RIBC1: variants seen among roughly 807,000 people sequenced by gnomAD.
The protein encoded by RIBC1 is RIB43A domain with coiled-coils 1.
Under a neutral mutation model 33.7 loss-of-function variants are expected in RIBC1, and 12 were observed. The observed-to-expected ratio is 0.36, with a 90% CI of 0.23 to 0.58. The LOEUF (loss-of-function observed/expected upper bound fraction) is 0.58. Ranked by LOEUF, RIBC1 falls within the 20% of genes least tolerant of loss-of-function variation. RIBC1 has a pLI of 0.81. For missense variants in RIBC1, 242 were observed against 311.6 expected (o/e 0.78, Z 1.68); for synonymous variants, 89 against 109.0 (o/e 0.82, Z 1.14).
chrX:53,428,197 G>A, intron 4 of RIBC1, 86 bp from the exon 5 acceptor site: 1 of 1,201,963 alleles, frequency 8.3e-7, no homozygotes, highest in South Asian at 1.8e-5. Flanking sequence ...GGGACAAATT[G>A]GATGGACCTT....
chrX:53,430,812 T>C, intron 7 of RIBC1, 22 bp downstream of exon 7: 1 of 1,205,023 alleles, frequency 8.3e-7, no homozygotes. Flanking sequence ...GTGGTAGTGG[T>C]GGAGATAAAT....
chrX:53,425,380 T>A (rs2075785165), intron 2 of RIBC1, among the ~76,000 whole-genome samples: 1 of 110,604 alleles, frequency 9.0e-6, no homozygotes, highest in South Asian at 3.8e-4. Context: ...ATGATCAGAT[T>A]TATGTTTGCT....
In RIBC1 at chrX:53,428,049, G is replaced by A. The variant is rs782499698; in HGVS notation, c.164G>A (p.Arg55Gln). ...AACCAGGTGGGAGACCGAAAGCGTCGGGAAGCAGCAGAAAGAAGCAAGGAG... is the reference window on the plus strand; with the variant it reads ...AACCAGGTGGGAGACCGAAAGCGTCAGGAAGCAGCAGAAAGAAGCAAGGAG... ...LNNQVGDRKR[R>Q]EAAERSKEAA... The change falls in exon 4 of 8, where the codon CGG (arginine) becomes CAG (glutamine). Residue 55 changes from arginine to glutamine, a missense_variant. Coordinates refer to ENST00000375327, the MANE Select transcript of RIBC1 (RefSeq NM_001031745.5). The A allele has an allele frequency of 5.0e-5, 61 of 1,210,217 alleles. No homozygotes were observed. Among genetic ancestry groups the A allele is most frequent in the Non-Finnish European group, 6.0e-5 (54 of 895,156 alleles).
intron 5 of RIBC1, chrX:53,429,039 G>T: frequency 5.7e-6 from 1 of 175,106 alleles, no homozygotes; most frequent in Non-Finnish European, 1.0e-5. Flanking sequence ...AGCCCTTCAA[G>T]GGCAAGGACC....
Position 53,428,290 on chromosome X carries a change from C to T in RIBC1, c.207C>T (p.Ser69=). 1.7e-6 allele frequency: 2 copies of T among 1,209,639 alleles called. No individual in the cohort carries two copies. Among genetic ancestry groups the T allele is most frequent in the Non-Finnish European group, 2.2e-6 (2 of 893,962 alleles). Residue 69 remains serine (S), a synonymous_variant, in exon 5 of 8, where the codon AGC becomes AGT. Coordinates refer to ENST00000375327, the MANE Select transcript of RIBC1 (RefSeq NM_001031745.5). ...CTTGCTCACCACCCCCAGGTACCAG[C>T]CAGGTGCAGTATGATGTGGTAGTCC... ...ERSKEAAYGT[S]QVQYDVVVQM...
chrX:53,429,004 C>A, intron 5 of RIBC1: 1 of 239,074 alleles, frequency 4.2e-6, no homozygotes, highest in South Asian at 1.6e-4. Flanking sequence ...TGTCTGTGGC[C>A]ACATCCTTCT....
At chrX:53,426,157 A>C in intron 2 of RIBC1, 120 bp from the exon 3 acceptor site, 1 of 494,877 alleles carries the variant, frequency 2.0e-6, no homozygotes, top group Non-Finnish European at 3.6e-6. Context: ...TATATCAGGA[A>C]GTAAAATCAG....
chrX:53,428,433 G>A lies in RIBC1; in HGVS notation c.350G>A (p.Gly117Asp). Residue 117 changes from glycine to aspartate, a missense_variant, in exon 5 of 8, where the codon GGC becomes GAC. Gly to Asp is a moderately conservative substitution (Grantham distance 94). Transcript: ENST00000375327. ...CGTGAATTTAGTCTTTGGGATCCAG[G>A]CCAAGTCTGGAAGGGGCTTCCAACC... ...NGREFSLWDP[G>D]QVWKGLPTYL... is the part of the protein sequence containing the mutation. The A allele has an allele frequency of 8.3e-7, 1 of 1,210,343 alleles. No individual in the cohort carries two copies. The highest frequency in any genetic ancestry group is 1.1e-6 in the Non-Finnish European group (1 of 894,500).
intron 3 of RIBC1, among the ~76,000 whole-genome samples, chrX:53,427,335 G>A (rs189420997): frequency 8.9e-6 from 1 of 112,131 alleles, no homozygotes; most frequent in African/African-American, 3.2e-5. Context: ...AAGGAAGTCA[G>A]GTGAGTGTTA....
rs2075803470 is a variant in RIBC1, at chrX:53,428,370, A to G, written c.287A>G (p.Gln96Arg). The G allele has an allele frequency of 8.3e-7, 1 of 1,210,251 alleles. No individual in the cohort carries two copies. Among genetic ancestry groups the G allele is most frequent in the South Asian group, 1.8e-5 (1 of 56,825 alleles). Reference sequence around the variant, plus strand: ...ACACGTCAGCTGGCCAAGAAAGTCCAGGAGTTTCGGGAGCAGAAGCAGCAG... The same window carrying G: ...ACACGTCAGCTGGCCAAGAAAGTCCGGGAGTTTCGGGAGCAGAAGCAGCAG... ...DRTRQLAKKV[Q>R]EFREQKQQLK... The change falls in exon 5 of 8, where the codon CAG (glutamine) becomes CGG (arginine). Residue 96 changes from glutamine to arginine, a missense_variant. Transcript: ENST00000375327.
rs781784358 is a variant in RIBC1 at position 53,428,408 on chromosome X, C to T, written c.325C>T (p.Arg109Cys). Residue 109 changes from arginine to cysteine, a missense_variant, in exon 5 of 8, where the codon CGT becomes TGT. Physicochemically the swap from Arg to Cys is radical, Grantham distance 180. Transcript: ENST00000375327. ...GCAGAAGCAGCAGCTCAAGAACGGG[C>T]GTGAATTTAGTCTTTGGGATCCAGG... is the stretch of plus-strand genomic sequence containing the variant. Reference protein sequence around the residue: ...REQKQQLKNGREFSLWDPGQV... With the variant: ...REQKQQLKNGCEFSLWDPGQV... 1.8e-5 allele frequency: 22 copies of T among 1,208,990 alleles called. No homozygotes were observed. The highest frequency in any genetic ancestry group is 1.8e-4 in the Admixed American group (8 of 45,682).
Position 53,430,740 on chromosome X carries a change from AAGG to A in RIBC1, c.1009_1011del (p.Arg337del). The A allele has an allele frequency of 8.3e-7, 1 of 1,205,215 alleles. No individual in the cohort carries two copies. Among genetic ancestry groups the A allele is most frequent in the Non-Finnish European group, 1.1e-6 (1 of 891,868 alleles). ...AGAGGGAATTGTGTGCTGTATTTCA[AAGG>A]GGTCTAGGATCCTTCAACCAGCAGC... On this transcript the variant is annotated inframe_deletion, in exon 7 of 8. Coordinates refer to ENST00000375327, the MANE Select transcript of RIBC1 (RefSeq NM_001031745.5).
chrX:53,428,306 G>A lies in RIBC1; in HGVS notation c.223G>A (p.Val75Met), dbSNP rs2075803050. 1.7e-6 allele frequency: 2 copies of A among 1,211,712 alleles called. No homozygotes were observed. Among genetic ancestry groups the A allele is most frequent in the Admixed American group, 2.2e-5 (1 of 46,057 alleles). Residue 75 changes from valine to methionine, a missense_variant, in exon 5 of 8, where the codon GTG becomes ATG. Val to Met is a conservative substitution (Grantham distance 21). Transcript: ENST00000375327. ...AYGTSQVQYD[V>M]VVQMLEKEEA... ...AGGTACCAGCCAGGTGCAGTATGAT[G>A]TGGTAGTCCAGATGTTAGAGAAGGA...
chrX:53,426,482 C>A, intron 3 of RIBC1, 89 bp downstream of exon 3: 1 of 622,002 alleles, frequency 1.6e-6, no homozygotes, highest in Non-Finnish European at 2.6e-6. Context: ...CCATGATAGC[C>A]CTTCCCCTGA....
At position 53,429,939 on chromosome X, in the gene RIBC1, G is replaced by C. The variant is rs782164090; in HGVS notation, c.630G>C (p.Met210Ile). The C allele has an allele frequency of 3.3e-6, 4 of 1,208,690 alleles. No individual in the cohort carries two copies. The Admixed American group carries it at 8.7e-5, about 26-fold the overall frequency. Residue 210 changes from methionine (M) to isoleucine (I), a missense_variant, in exon 6 of 8, where the codon ATG (methionine) becomes ATC (isoleucine). Coordinates refer to ENST00000375327, the MANE Select transcript of RIBC1 (RefSeq NM_001031745.5). ...ARLEESCRAA[M>I]MCAMANANKA... Reference sequence around the variant, plus strand: ...TGGAGGAGTCCTGTCGTGCGGCCATGATGTGTGCCATGGCCAACGCCAACA... The same window carrying C: ...TGGAGGAGTCCTGTCGTGCGGCCATCATGTGTGCCATGGCCAACGCCAACA...
chrX:53,429,833 C>A, intron 5 of RIBC1, 21 bp from the exon 6 acceptor site: 1 of 1,201,790 alleles, frequency 8.3e-7, no homozygotes, highest in Non-Finnish European at 1.1e-6. Flanking sequence ...TACAGTACCC[C>A]GGCCATATTT....
At position 53,428,411 on chromosome X, in the gene RIBC1, G is replaced by A. The variant is rs782587321; in HGVS notation, c.328G>A (p.Glu110Lys). The stretch of plus-strand genomic sequence containing the variant: ...GAAGCAGCAGCTCAAGAACGGGCGT[G>A]AATTTAGTCTTTGGGATCCAGGCCA... ...EQKQQLKNGREFSLWDPGQVW... is the reference protein window; with the variant it reads ...EQKQQLKNGRKFSLWDPGQVW... The change falls in exon 5 of 8, where the codon GAA becomes AAA. Residue 110 changes from glutamate (E) to lysine (K), a missense_variant. By Grantham distance (56) the Glu-to-Lys change is moderately conservative. Coordinates refer to ENST00000375327, the MANE Select transcript of RIBC1 (RefSeq NM_001031745.5). 5 of 1,209,493 alleles carry A rather than the reference G, an allele frequency of 4.1e-6. No homozygotes were observed. Among genetic ancestry groups the A allele is most frequent in the South Asian group, 1.8e-5 (1 of 56,759 alleles).
chrX:53,427,885 G>A, intron 3 of RIBC1, 118 bp from the exon 4 acceptor site: 1 of 574,479 alleles, frequency 1.7e-6, no homozygotes, highest in Non-Finnish European at 3.0e-6. Context: ...ACTTTATCCA[G>A]TAGGTACTGG....
intron 6 of RIBC1, 61 bp from the exon 7 acceptor site, chrX:53,430,335 C>A (rs1433778281): frequency 4.1e-6 from 4 of 970,348 alleles, no homozygotes; most frequent in Non-Finnish European, 5.7e-6. Context: ...TTCCCCCCTC[C>A]CCTGTGACAG....
Sources: gnomAD v4.1 joint callset for allele counts (sites outside exome capture counted in the v4.1 genomes callset) on GRCh38, gnomAD v4.1.1 for gene constraint, MANE v1.5 for transcripts, NCBI Gene and HGNC (gene_info 2026-07-23, HGNC 2026-07-21) for gene names.